Variants in MACROD2 observed in about 807,000 individuals in gnomAD.
MACROD2 encodes mono-ADP ribosylhydrolase 2.
Under a neutral mutation model 70.4 loss-of-function variants are expected in MACROD2, and 36 were observed. The observed-to-expected ratio is 0.51, with a 90% confidence interval of 0.39 to 0.68. The LOEUF is 0.68. MACROD2 is among the 30% of genes least tolerant of loss of function. The probability of loss-of-function intolerance (pLI) is 0.00; values close to 1 mark genes in which losing one functional copy is unlikely to be tolerated. For missense variants in MACROD2, 496 were observed against 538.4 expected, an observed-to-expected ratio of 0.92 and a Z score of 0.78; for synonymous variants, 172 against 178.8, an observed-to-expected ratio of 0.96 and a Z score of 0.30.
chr20:15,339,633 G>C (rs1056657281), intron 6 of MACROD2, among the ~76,000 whole-genome samples: 6 of 151,792 alleles, frequency 4.0e-5, no homozygotes. Flanking sequence ...TGTTGAGATG[G>C]CTTCTGAACA....
chr20:15,200,457 T>C (rs1273245068), intron 5 of MACROD2, among the ~76,000 whole-genome samples: 1 of 152,260 alleles, frequency 6.6e-6, no homozygotes, highest in Non-Finnish European at 1.5e-5. Context: ...AAGACTCATT[T>C]ACCAGTATGG....
rs2072243711 is a variant in MACROD2, at chr20:14,777,097, GAT to G, written c.418+92141_418+92142del. 3.9e-5 allele frequency among the ~76,000 whole-genome samples: 6 copies of G among 152,128 alleles called. No homozygotes were observed. The South Asian group carries it at 1.2e-3, about 32-fold the overall frequency. On this transcript the variant is annotated intron_variant, in intron 5 of 17. Coordinates refer to ENST00000684519, the MANE Select transcript of MACROD2 (RefSeq NM_001351661.2). ...GCATTTGATTAGCTTCCAGTTTGGG[GAT>G]ATTATGAATAGAGATTCTATAAATA...
intron 5 of MACROD2, chr20:14,850,280 A>C (rs1049532479): frequency 1.1e-5 from 2 of 179,330 alleles, no homozygotes; most frequent in African/African-American, 4.8e-5. Context: ...CAGCCTAATA[A>C]AGTATGAAAC....
intron 5 of MACROD2, among the ~76,000 whole-genome samples, chr20:15,138,721 C>T (rs1281036877): frequency 3.3e-5 from 5 of 152,072 alleles, no homozygotes; most frequent in Non-Finnish European, 7.4e-5. Flanking sequence ...GGCTGAATTA[C>T]TTGACATAAT....
At chr20:14,686,183 C>G (rs1268584862) in intron 5 of MACROD2, among the ~76,000 whole-genome samples, 5 of 151,968 alleles carry the variant, frequency 3.3e-5, no homozygotes, top group Non-Finnish European at 5.9e-5. Flanking sequence ...ATTGAGTATT[C>G]CTTACCCAAA....
intron 2 of MACROD2, among the ~76,000 whole-genome samples, chr20:14,042,342 A>C (rs1194944303): frequency 6.6e-6 from 1 of 152,018 alleles, no homozygotes; most frequent in Non-Finnish European, 1.5e-5. Context: ...AAGAGTTAGA[A>C]CCCTGCAGTG....
rs59129207 is a variant in MACROD2, at chr20:15,227,823, G to GTTTTTTTTTTTTTTTTTTTTTTTTT, written c.419-2115_419-2091dup. Among the ~76,000 whole-genome samples, 11 of 46,104 alleles carry GTTTTTTTTTTTTTTTTTTTTTTTTT rather than the reference G, an allele frequency of 2.4e-4. 4 individuals are homozygous for GTTTTTTTTTTTTTTTTTTTTTTTTT. The highest frequency in any genetic ancestry group is 1.9e-3 in the South Asian group (2 of 1,044). The allele number at this position is 46,104 out of a possible 152,430, so 30.2% of individuals were successfully genotyped here. On this transcript the variant is annotated intron_variant, in intron 5 of 17. Transcript: ENST00000684519. ...TAACTGGTGTGATAGAATTTCACCTGTTTTTTTTTTTTTTTTTTTTTTTTT... is the reference window on the plus strand; with the variant it reads ...TAACTGGTGTGATAGAATTTCACCTGTTTTTTTTTTTTTTTTTTTTTTTTTTTTTTTTTTTTTTTTTTTTTTTTTT...
chr20:14,327,575 A>T (rs186649978), intron 3 of MACROD2: 36 of 1,480,552 alleles, frequency 2.4e-5, no homozygotes, highest in South Asian at 1.4e-4. Flanking sequence ...TGAAGTGAGT[A>T]AAAAAAGACA....
At chr20:14,219,980 T>G (rs2122163535) in intron 3 of MACROD2, among the ~76,000 whole-genome samples, 1 of 152,306 alleles carries the variant, frequency 6.6e-6, no homozygotes, top group South Asian at 2.1e-4. Context: ...ATTGATGGTT[T>G]AATATTCTAT....
At chr20:15,320,907 G>A (rs1030746180) in intron 6 of MACROD2, among the ~76,000 whole-genome samples, 5 of 152,216 alleles carry the variant, frequency 3.3e-5, no homozygotes, top group African/African-American at 1.2e-4. Context: ...CCACAGCAGA[G>A]GCTGAGACAT....
intron 5 of MACROD2, among the ~76,000 whole-genome samples, chr20:14,931,777 C>A (rs1021157699): frequency 1.3e-5 from 2 of 151,326 alleles, no homozygotes; most frequent in African/African-American, 4.9e-5. Context: ...GTGGGAAGAT[C>A]GCTTGAGGCT....
At chr20:14,301,382 A>G (rs1206355726) in intron 3 of MACROD2, among the ~76,000 whole-genome samples, 1 of 152,244 alleles carries the variant, frequency 6.6e-6, no homozygotes, top group Non-Finnish European at 1.5e-5. Flanking sequence ...ATTTATTTCA[A>G]CATAAACTAT....
intron 8 of MACROD2, among the ~76,000 whole-genome samples, chr20:15,600,493 C>T (rs866465394): frequency 3.3e-5 from 5 of 152,166 alleles, no homozygotes; most frequent in African/African-American, 4.8e-5. Context: ...CATATCTCCC[C>T]GCCCTCCCCT....
intron 4 of MACROD2, among the ~76,000 whole-genome samples, chr20:14,596,203 A>T (rs1982124409): frequency 6.6e-6 from 1 of 151,078 alleles, no homozygotes; most frequent in Non-Finnish European, 1.5e-5. Context: ...CTCCTGCCTC[A>T]GCCTCCCGAG....
At chr20:14,246,668 T>A (rs2081970397) in intron 3 of MACROD2, among the ~76,000 whole-genome samples, 1 of 152,172 alleles carries the variant, frequency 6.6e-6, no homozygotes, top group Non-Finnish European at 1.5e-5. Context: ...TTTTATAATT[T>A]CCTTTATTTA....
chr20:14,564,997 C>T (rs925024767), intron 4 of MACROD2, among the ~76,000 whole-genome samples: 1 of 151,892 alleles, frequency 6.6e-6, no homozygotes, highest in Non-Finnish European at 1.5e-5. Flanking sequence ...GAATACTACT[C>T]TGCCATAAAA....
chr20:15,103,243 A>G (rs424792), intron 5 of MACROD2, among the ~76,000 whole-genome samples: 50,696 of 151,986 alleles, frequency 0.33, 10,455 homozygotes, highest in Non-Finnish European at 0.46. Context: ...TTTCCATTCT[A>G]CCAGTCTCAG....
intron 13 of MACROD2, among the ~76,000 whole-genome samples, chr20:15,984,411 C>T (rs1461868782): frequency 6.6e-6 from 1 of 152,060 alleles, no homozygotes; most frequent in Admixed American, 6.5e-5. Context: ...TGCACATAAA[C>T]TGTTTCTTTA....
intron 5 of MACROD2, among the ~76,000 whole-genome samples, chr20:15,221,517 A>G (rs1356021806): frequency 6.6e-6 from 1 of 152,188 alleles, no homozygotes; most frequent in East Asian, 1.9e-4. Context: ...ATGGCTGACC[A>G]CAGGATATCC....
Sources: allele counts gnomAD v4.1 joint callset (sites outside exome capture counted in the v4.1 genomes callset), GRCh38; gene constraint gnomAD v4.1.1; transcripts MANE v1.5; gene names NCBI Gene and HGNC (gene_info 2026-07-23, HGNC 2026-07-21).